Variants in CC2D2A observed in about 807,000 individuals in gnomAD.
CC2D2A encodes coiled-coil and C2 domain containing 2A.
CC2D2A carries 155 observed loss-of-function variants against 212.9 expected under a neutral mutation model. The observed-to-expected ratio is 0.73, with a 90% confidence interval of 0.64 to 0.83. The LOEUF is 0.83. CC2D2A is among the 40% of genes least tolerant of loss of function. The pLI, the probability that CC2D2A is intolerant of heterozygous loss-of-function variation, is 0.00. For synonymous variants in CC2D2A, 667 were observed against 686.5 expected (o/e 0.97, Z 0.44); for missense variants, 1,856 against 1,956.2 (o/e 0.95, Z 0.97).
chr4:15,564,721 C>T (rs1047593411), intron 24 of CC2D2A, among the ~76,000 whole-genome samples: 2 of 152,094 alleles, frequency 1.3e-5, no homozygotes, highest in Non-Finnish European at 2.9e-5. Context: ...CTCTGTTGCC[C>T]AGGCTGAGTA....
chr4:15,559,669 T>TTTTCCTTTTTTG (rs1553838709), intron 22 of CC2D2A, among the ~76,000 whole-genome samples: 1 of 151,734 alleles, frequency 6.6e-6, no homozygotes, highest in Non-Finnish European at 1.5e-5. Flanking sequence ...CGTTTGTCCT[T>TTTTCCTTTTTTG]TTTCCTTCTT....
intron 4 of CC2D2A, among the ~76,000 whole-genome samples, chr4:15,501,013 G>A (rs1417577527): frequency 6.6e-6 from 1 of 152,026 alleles, no homozygotes; most frequent in Non-Finnish European, 1.5e-5. Flanking sequence ...CTCCCAGTCT[G>A]ACTTCCCGTC....
intron 4 of CC2D2A, among the ~76,000 whole-genome samples, chr4:15,491,857 G>A (rs1715322450): frequency 6.6e-6 from 1 of 151,966 alleles, no homozygotes; most frequent in Non-Finnish European, 1.5e-5. Context: ...TCTTAATGGT[G>A]TCTTTGAAGT....
chr4:15,571,324 G>C (rs1022587352), intron 28 of CC2D2A, among the ~76,000 whole-genome samples: 2 of 152,208 alleles, frequency 1.3e-5, no homozygotes, highest in African/African-American at 4.8e-5. Flanking sequence ...TTAATGGTTT[G>C]ATTAAGGGGA....
At chr4:15,480,969 G>C in intron 4 of CC2D2A, 142 bp downstream of exon 4, 2 of 921,018 alleles carry the variant, frequency 2.2e-6, no homozygotes, top group Non-Finnish European at 3.2e-6. Flanking sequence ...AACTTGGTGA[G>C]TGACTCTAGG....
chr4:15,481,968 T>G, intron 4 of CC2D2A: 1 of 985,370 alleles, frequency 1.0e-6, no homozygotes, highest in Non-Finnish European at 1.2e-6. Context: ...CTTTTCTTCT[T>G]CCCCAGTACA....
intron 4 of CC2D2A, among the ~76,000 whole-genome samples, chr4:15,488,389 A>C (rs927585048): frequency 6.6e-6 from 1 of 152,196 alleles, no homozygotes; most frequent in African/African-American, 2.4e-5. Context: ...TGAATATATC[A>C]TCCCATTCCT....
chr4:15,567,834 T>C (rs1254235798), intron 26 of CC2D2A, 48 bp downstream of exon 26: 2 of 1,352,188 alleles, frequency 1.5e-6, no homozygotes, highest in East Asian at 2.5e-5. Context: ...TTTGAAGAAA[T>C]GTGAAGAAAG....
rs114159532 is a variant in CC2D2A, at chr4:15,501,797, T to C, written c.248-632T>C. Among the ~76,000 whole-genome samples, 845 of 152,286 alleles carry C rather than the reference T, an allele frequency of 5.5e-3. 9 individuals carry two copies. The highest frequency in any genetic ancestry group is 0.019 in the African/African-American group (810 of 41,550). Reference sequence around the variant, plus strand: ...ATACCTGGGGCACTCCTCACAAAGATAGCAGAAAAATTGTTGAGAAATACA... The same window carrying C: ...ATACCTGGGGCACTCCTCACAAAGACAGCAGAAAAATTGTTGAGAAATACA... On this transcript the variant is annotated intron_variant, in intron 4 of 36. Transcript: ENST00000424120.
intron 1 of CC2D2A, among the ~76,000 whole-genome samples, chr4:15,474,843 C>T (rs1714070547): frequency 1.3e-5 from 2 of 152,108 alleles, no homozygotes; most frequent in South Asian, 4.1e-4. Context: ...GGAGATGAAT[C>T]ATTGGCAAAA....
intron 8 of CC2D2A, 159 bp downstream of exon 8, chr4:15,511,582 C>T (rs1018594387): frequency 3.5e-6 from 2 of 575,484 alleles, no homozygotes; most frequent in Non-Finnish European, 5.7e-6. Context: ...ATTCACATGG[C>T]TCCCTGTAGC....
intron 28 of CC2D2A, among the ~76,000 whole-genome samples, chr4:15,572,860 A>G (rs964470184): frequency 6.6e-6 from 1 of 152,104 alleles, no homozygotes; most frequent in Non-Finnish European, 1.5e-5. Flanking sequence ...AAGGCCCTAG[A>G]TCCCCTAGCA....
intron 22 of CC2D2A, among the ~76,000 whole-genome samples, chr4:15,560,273 A>C (rs1719507375): frequency 6.6e-6 from 1 of 152,208 alleles, no homozygotes; most frequent in Non-Finnish European, 1.5e-5. Context: ...GCCATCTTAT[A>C]TGCCGGGAAC....
chr4:15,535,050 T>C (rs780646813), intron 14 of CC2D2A, among the ~76,000 whole-genome samples: 17 of 152,076 alleles, frequency 1.1e-4, no homozygotes, highest in Non-Finnish European at 2.4e-4. Flanking sequence ...GACTGTGTGA[T>C]CTTTGAGAGC....
intron 23 of CC2D2A, among the ~76,000 whole-genome samples, 158 bp downstream of exon 23, chr4:15,560,780 A>C (rs934052093): frequency 6.6e-6 from 1 of 152,188 alleles, no homozygotes; most frequent in Non-Finnish European, 1.5e-5. Flanking sequence ...TGATGATGAC[A>C]TTAGTTGAGG....
chr4:15,500,103 GTGTGTATATATATATATA>G (rs1241693468), intron 4 of CC2D2A, among the ~76,000 whole-genome samples: 1 of 73,158 alleles, frequency 1.4e-5, no homozygotes. Flanking sequence ...GTGTGTGTGT[GTGTGTATATATATATATA>G]TATATATATA....
At chr4:15,479,433 G>C in intron 3 of CC2D2A, 1 of 941,970 alleles carries the variant, frequency 1.1e-6, no homozygotes, top group Non-Finnish European at 1.6e-6. Flanking sequence ...AGGGGAGGGA[G>C]GGGAGAGAAG....
At chr4:15,512,701 C>T (rs1240611665) in intron 8 of CC2D2A, among the ~76,000 whole-genome samples, 1 of 152,142 alleles carries the variant, frequency 6.6e-6, no homozygotes, top group Non-Finnish European at 1.5e-5. Context: ...GGCCTGTAAT[C>T]CCAGCTTTGG....
intron 4 of CC2D2A, among the ~76,000 whole-genome samples, chr4:15,490,933 C>G (rs542871966): frequency 6.6e-6 from 1 of 152,026 alleles, no homozygotes; most frequent in Non-Finnish European, 1.5e-5. Context: ...CTTGCTCAAT[C>G]GATCACGACC....
Sources: gnomAD v4.1 joint callset for allele counts (sites outside exome capture counted in the v4.1 genomes callset) on GRCh38, gnomAD v4.1.1 for gene constraint, MANE v1.5 for transcripts, NCBI Gene and HGNC (gene_info 2026-07-23, HGNC 2026-07-21) for gene names.